Variants in CTTNBP2 observed in about 807,000 individuals in gnomAD.
The protein encoded by CTTNBP2 is cortactin-binding protein 2.
Under a neutral mutation model 156.9 loss-of-function variants are expected in CTTNBP2, and 108 were observed. The ratio of observed to expected loss-of-function variants is 0.69; its 90% CI spans 0.59 to 0.81. The LOEUF is 0.81. Among genes scored for constraint, CTTNBP2 ranks in the 30% least tolerant of loss-of-function variants. The pLI, the probability that CTTNBP2 is intolerant of heterozygous loss-of-function variation, is 0.00. For missense variants in CTTNBP2, 1,924 were observed against 2,035.4 expected, an observed-to-expected ratio of 0.95 and a Z score of 1.05; for synonymous variants, 767 against 751.8, an observed-to-expected ratio of 1.02 and a Z score of -0.33.
Position 117,782,891 on chromosome 7 carries a change from C to A in CTTNBP2, c.2343G>T (p.Leu781Phe). Reference sequence around the variant, plus strand: ...AATGTCCCTGAGCAGCTGCAGCACACAAGGGTGTGAAGCCATTTTTATCAG... The same window carrying A: ...AATGTCCCTGAGCAGCTGCAGCACAAAAGGGTGTGAAGCCATTTTTATCAG... ...NAADKNGFTP[L>F]CAAAAQGHFE... The change falls in exon 6 of 23, where the codon TTG (leucine) becomes TTT (phenylalanine). Residue 781 changes from leucine to phenylalanine, a missense_variant. Physicochemically the swap from Leu to Phe is conservative, Grantham distance 22. Transcript: ENST00000160373. 6.2e-7 allele frequency: 1 copy of A among 1,614,036 alleles called. No homozygotes were observed. The highest frequency in any genetic ancestry group is 8.5e-7 in the Non-Finnish European group (1 of 1,179,916).
In CTTNBP2 at chr7:117,760,903, T is replaced by C. The variant is rs1383029220; in HGVS notation, c.2897-193A>G. 1.3e-5 allele frequency among the ~76,000 whole-genome samples: 2 copies of C among 152,216 alleles called. 1 individual carries two copies. Among genetic ancestry groups the C allele is most frequent in the African/African-American group, 4.8e-5 (2 of 41,468 alleles). On this transcript the variant is annotated intron_variant, in intron 9 of 22. Transcript: ENST00000160373. ...TGTCTCCCAATCTCTTCAGTTTCTTTGGAAGCACGCTGCACGAACTGTCTC... is the reference window on the plus strand; with the variant it reads ...TGTCTCCCAATCTCTTCAGTTTCTTCGGAAGCACGCTGCACGAACTGTCTC...
chr7:117,870,533 A>T (rs763347830), intron 1 of CTTNBP2, among the ~76,000 whole-genome samples: 1 of 152,236 alleles, frequency 6.6e-6, no homozygotes, highest in Non-Finnish European at 1.5e-5. Flanking sequence ...CAAATTTTAT[A>T]CCTACTTCTT....
chr7:117,716,177 A>G (rs34043154), intron 22 of CTTNBP2, among the ~76,000 whole-genome samples: 2 of 100,658 alleles, frequency 2.0e-5, no homozygotes, highest in African/African-American at 7.3e-5. Context: ...GTATAAAAGG[A>G]CTCGCTTTAA....
intron 3 of CTTNBP2, among the ~76,000 whole-genome samples, chr7:117,795,830 CAGAG>C (rs1367026314): frequency 1.3e-5 from 2 of 152,196 alleles, no homozygotes; most frequent in Admixed American, 1.3e-4. Context: ...AAGTTTACCG[CAGAG>C]AGCAGAGCAC....
chr7:117,780,491 A>G lies in CTTNBP2; in HGVS notation c.2473T>C (p.Cys825Arg), dbSNP rs777588758. 1.2e-6 allele frequency: 2 copies of G among 1,601,896 alleles called. No homozygotes were observed. The highest frequency in any genetic ancestry group is 1.7e-6 in the Non-Finnish European group (2 of 1,175,064). The change falls in exon 7 of 23, where the codon TGT becomes CGT. Residue 825 changes from cysteine (C) to arginine (R), a missense_variant. Cys to Arg is a radical substitution (Grantham distance 180, BLOSUM62 -3). Transcript: ENST00000160373. ...YLACKNGNKE[C>R]IKLLLEAGTN... Reference sequence around the variant, plus strand: ...CCAGCTTCCAACAAGAGTTTAATACATTCTTTATTTCCATTTTTACAGGCC... The same window carrying G: ...CCAGCTTCCAACAAGAGTTTAATACGTTCTTTATTTCCATTTTTACAGGCC...
At chr7:117,850,281 T>C (rs1306257375) in intron 2 of CTTNBP2, among the ~76,000 whole-genome samples, 1 of 152,230 alleles carries the variant, frequency 6.6e-6, no homozygotes, top group African/African-American at 2.4e-5. Flanking sequence ...GGGACCTATG[T>C]ATATGGTTTG....
At chr7:117,751,605 C>T (rs769464627) in intron 12 of CTTNBP2, among the ~76,000 whole-genome samples, 13 of 152,204 alleles carry the variant, frequency 8.5e-5, no homozygotes, top group South Asian at 2.1e-4. Context: ...GAATTCTTCA[C>T]GGTAGAAAGC....
At position 117,711,376 on chromosome 7, in the gene CTTNBP2, T is replaced by C. The variant is rs920426048; in HGVS notation, c.*161A>G. The C allele has an allele frequency of 4.0e-6, 3 of 748,338 alleles. No homozygotes were observed. The highest frequency in any genetic ancestry group is 4.0e-6 in the Non-Finnish European group (2 of 497,952). The allele number at this position is 748,338 out of a possible 1,614,324, so 46.4% of individuals were successfully genotyped here. A position where few individuals can be genotyped will look rare whatever the true frequency, so the allele number is the denominator to read the frequency against. On this transcript the variant is annotated 3_prime_UTR_variant, in exon 23 of 23. Coordinates refer to ENST00000160373, the MANE Select transcript of CTTNBP2 (RefSeq NM_033427.3). ...AAAAAAAAAGCAACAAAATGTTGGT[T>C]ATAAATACATTCTTTACAAAAAAAA...
At chr7:117,782,323 A>G (rs893348522) in intron 6 of CTTNBP2, among the ~76,000 whole-genome samples, 2 of 152,246 alleles carry the variant, frequency 1.3e-5, no homozygotes, top group African/African-American at 4.8e-5. Context: ...AAAGTTAGGT[A>G]TATTTTAATT....
In CTTNBP2 at chr7:117,817,357, A is replaced by ATATATATATATATAT. The variant is rs1282725521; in HGVS notation, c.190-6369_190-6368insATATATATATATATA. Among the ~76,000 whole-genome samples the ATATATATATATATAT allele has an allele frequency of 5.5e-3, 180 of 32,958 alleles. 8 individuals are homozygous for ATATATATATATATAT. Among genetic ancestry groups the ATATATATATATATAT allele is most frequent in the Non-Finnish European group, 6.5e-3 (98 of 15,034 alleles). The allele number at this position is 32,958 out of a possible 152,430, so 21.6% of individuals were successfully genotyped here. On this transcript the variant is annotated intron_variant, in intron 2 of 22. Transcript: ENST00000160373. ...TCAAAAAAAAAAAAAAAAAAAAAAA[A>ATATATATATATATAT]AAAAATATATATATATATATATATA...
intron 12 of CTTNBP2, among the ~76,000 whole-genome samples, chr7:117,752,829 C>G (rs1458749202): frequency 6.6e-6 from 1 of 152,036 alleles, no homozygotes; most frequent in African/African-American, 2.4e-5. Context: ...GTTTATTTAC[C>G]TGTAAAATCT....
intron 16 of CTTNBP2, among the ~76,000 whole-genome samples, chr7:117,730,825 TGG>T (rs1210897138): frequency 6.6e-6 from 1 of 151,774 alleles, no homozygotes; most frequent in African/African-American, 2.4e-5. Context: ...TTCGGGGGGA[TGG>T]GGACAGGGGG....
chr7:117,758,591 A>G (rs1024896092), intron 10 of CTTNBP2, among the ~76,000 whole-genome samples: 2 of 152,112 alleles, frequency 1.3e-5, no homozygotes, highest in African/African-American at 4.8e-5. Flanking sequence ...TTAAGTATCT[A>G]TTCTCAGCAT....
chr7:117,750,139 G>A lies in CTTNBP2; in HGVS notation c.3349-4040C>T, dbSNP rs1055907447. Among the ~76,000 whole-genome samples the A allele has an allele frequency of 1.1e-4, 17 of 152,192 alleles. No homozygotes were observed. The East Asian group carries it at 2.1e-3, about 19-fold the overall frequency. On this transcript the variant is annotated intron_variant, in intron 12 of 22. Transcript: ENST00000160373. ...TTTACCCCAGAGATTTTCAACTAGCGTGGCTATTTAATCTTGTCTCACTTC... is the reference window on the plus strand; with the variant it reads ...TTTACCCCAGAGATTTTCAACTAGCATGGCTATTTAATCTTGTCTCACTTC...
At chr7:117,797,098 C>T (rs999549576) in intron 3 of CTTNBP2, among the ~76,000 whole-genome samples, 8 of 152,176 alleles carry the variant, frequency 5.3e-5, no homozygotes, top group Admixed American at 2.6e-4. Context: ...GTAGCACTGG[C>T]AGCTGAAACT....
intron 2 of CTTNBP2, among the ~76,000 whole-genome samples, chr7:117,827,029 T>G (rs1478207874): frequency 6.6e-6 from 1 of 152,000 alleles, no homozygotes; most frequent in Non-Finnish European, 1.5e-5. Context: ...CAGCTAATTT[T>G]CATAATTTTA....
chr7:117,837,893 T>C (rs774993289), intron 2 of CTTNBP2, among the ~76,000 whole-genome samples: 47 of 152,294 alleles, frequency 3.1e-4, no homozygotes, highest in Admixed American at 6.5e-4. Flanking sequence ...CCTGACACTG[T>C]AACCTGCAGT....
chr7:117,822,248 T>G (rs2117032444), intron 2 of CTTNBP2, among the ~76,000 whole-genome samples: 1 of 152,282 alleles, frequency 6.6e-6, no homozygotes, highest in East Asian at 1.9e-4. Context: ...TTTCCATTCT[T>G]AATATTGGTG....
intron 12 of CTTNBP2, among the ~76,000 whole-genome samples, chr7:117,754,592 T>C (rs1584948353): frequency 6.6e-6 from 1 of 152,204 alleles, no homozygotes; most frequent in East Asian, 1.9e-4. Context: ...TAATTGTTTA[T>C]GGAAGAGAAA....
Sources: gnomAD v4.1 joint callset for allele counts (sites outside exome capture counted in the v4.1 genomes callset) on GRCh38, gnomAD v4.1.1 for gene constraint, MANE v1.5 for transcripts, NCBI Gene and HGNC (gene_info 2026-07-23, HGNC 2026-07-21) for gene names.